XPO4: variants seen among roughly 807,000 people sequenced by gnomAD.
XPO4 encodes the protein exportin-4.
A neutral mutation model predicts 143.0 loss-of-function variants in XPO4; 39 were observed. That is an observed-to-expected ratio of 0.27 (90% CI 0.21 to 0.36). The LOEUF (loss-of-function observed/expected upper bound fraction) is 0.36. Among genes scored for constraint, XPO4 ranks in the 10% least tolerant of loss-of-function variants. The pLI, the probability that XPO4 is intolerant of heterozygous loss-of-function variation, is 1.00. For missense variants in XPO4, 907 were observed against 1,348.0 expected, an observed-to-expected ratio of 0.67 and a Z score of 5.12; for synonymous variants, 439 against 474.0, an observed-to-expected ratio of 0.93 and a Z score of 0.96.
chr13:20,852,881 T>C (rs993128864), intron 4 of XPO4: 1 of 985,212 alleles, frequency 1.0e-6, no homozygotes, highest in African/African-American at 1.7e-5. Context: ...TAAATACAAA[T>C]AGCACACTTA....
chr13:20,806,538 C>CTTT (rs1322850823), intron 13 of XPO4, among the ~76,000 whole-genome samples: 1 of 115,798 alleles, frequency 8.6e-6, no homozygotes, highest in Admixed American at 1.2e-4. Context: ...CTTTCAGGAC[C>CTTT]CTTTTTTTTT....
intron 19 of XPO4, 85 bp downstream of exon 19, chr13:20,790,377 T>C (rs1373203967): frequency 9.1e-7 from 1 of 1,093,328 alleles, no homozygotes; most frequent in Non-Finnish European, 1.4e-6. Flanking sequence ...ACTACTAAAT[T>C]AAATCACAGA....
At chr13:20,801,317 A>T (rs1489308846) in intron 13 of XPO4, among the ~76,000 whole-genome samples, 1 of 152,256 alleles carries the variant, frequency 6.6e-6, no homozygotes, top group African/African-American at 2.4e-5. Context: ...AAATACATCA[A>T]ATTAAATCTT....
intron 6 of XPO4, among the ~76,000 whole-genome samples, chr13:20,839,589 C>G (rs1257804835): frequency 6.6e-6 from 1 of 152,146 alleles, no homozygotes; most frequent in East Asian, 1.9e-4. Context: ...GTAATGCCAG[C>G]ACTTTGGGAG....
intron 16 of XPO4, among the ~76,000 whole-genome samples, chr13:20,797,819 T>C (rs2059377868): frequency 6.6e-6 from 1 of 152,114 alleles, no homozygotes; most frequent in African/African-American, 2.4e-5. Flanking sequence ...CAAAAACTCA[T>C]ATGTGGAAAT....
At chr13:20,840,336 C>A (rs1176190787) in intron 6 of XPO4, among the ~76,000 whole-genome samples, 2 of 151,908 alleles carry the variant, frequency 1.3e-5, no homozygotes, top group African/African-American at 4.8e-5. Context: ...GCCTCCCGAA[C>A]AGCTGGGACT....
intron 22 of XPO4, among the ~76,000 whole-genome samples, chr13:20,785,571 G>A (rs920836127): frequency 1.7e-4 from 26 of 151,790 alleles, no homozygotes; most frequent in African/African-American, 5.8e-4. Context: ...GAGCTGAGGC[G>A]GGAGGATTGC....
intron 3 of XPO4, among the ~76,000 whole-genome samples, chr13:20,859,274 C>T (rs1036490213): frequency 1.3e-4 from 20 of 151,868 alleles, no homozygotes; most frequent in Admixed American, 5.9e-4. Flanking sequence ...CAAGACCATC[C>T]TGGCCAACAT....
intron 18 of XPO4, among the ~76,000 whole-genome samples, chr13:20,792,555 C>T (rs56916681): frequency 2.0e-5 from 3 of 151,522 alleles, no homozygotes; most frequent in Non-Finnish European, 2.9e-5. Flanking sequence ...GGTGACAGAG[C>T]GAGACGCTGT....
At chr13:20,829,652 G>C (rs929768078) in intron 6 of XPO4, among the ~76,000 whole-genome samples, 14 of 152,076 alleles carry the variant, frequency 9.2e-5, no homozygotes, top group African/African-American at 3.4e-4. Flanking sequence ...CAGAAGCAAA[G>C]GGAATCATAT....
intron 1 of XPO4, among the ~76,000 whole-genome samples, chr13:20,874,570 CTT>C (rs1222687368): frequency 2.6e-5 from 4 of 152,160 alleles, no homozygotes; most frequent in African/African-American, 9.7e-5. Context: ...CCCTATTTCT[CTT>C]TCTCTCTCTC....
chr13:20,855,501 G>T, intron 4 of XPO4, 126 bp downstream of exon 4: 84 of 867,782 alleles, frequency 9.7e-5, no homozygotes, highest in Middle Eastern at 4.1e-4. Flanking sequence ...CTGAACAAAT[G>T]AAAATTGCTT....
At chr13:20,787,852 T>C (rs143311422) in intron 20 of XPO4, among the ~76,000 whole-genome samples, 22 of 152,224 alleles carry the variant, frequency 1.4e-4, no homozygotes, top group African/African-American at 5.1e-4. Context: ...ATACAACTTA[T>C]TAAAAAGTCA....
chr13:20,864,048 T>G (rs2060224320), intron 2 of XPO4, among the ~76,000 whole-genome samples: 1 of 152,144 alleles, frequency 6.6e-6, no homozygotes, highest in South Asian at 2.1e-4. Flanking sequence ...GAGAAACCAA[T>G]TTGAACCTTT....
chr13:20,795,756 G>A (rs1201138955), intron 18 of XPO4, among the ~76,000 whole-genome samples: 1 of 152,194 alleles, frequency 6.6e-6, no homozygotes, highest in Non-Finnish European at 1.5e-5. Flanking sequence ...AGTGACTTAA[G>A]CTCTCTGTGC....
intron 6 of XPO4, among the ~76,000 whole-genome samples, chr13:20,839,759 G>T (rs1044321029): frequency 3.9e-5 from 6 of 152,096 alleles, no homozygotes; most frequent in African/African-American, 1.4e-4. Flanking sequence ...AAGGTGGGTG[G>T]ATCAACCTGA....
intron 7 of XPO4, among the ~76,000 whole-genome samples, chr13:20,826,682 C>T (rs1341246771): frequency 6.6e-6 from 1 of 152,172 alleles, no homozygotes; most frequent in African/African-American, 2.4e-5. Flanking sequence ...TAAAATGTTA[C>T]TTATGTTAAT....
intron 4 of XPO4, chr13:20,849,897 G>T (rs2060066058): frequency 2.5e-6 from 2 of 802,120 alleles, no homozygotes; most frequent in Non-Finnish European, 3.0e-6. Context: ...CTTGAGGTCA[G>T]GAGTTCGAAA....
chr13:20,859,836 T>C (rs2060180336), intron 3 of XPO4: 1 of 975,150 alleles, frequency 1.0e-6, no homozygotes. Flanking sequence ...TGCGATTATT[T>C]TGGATAATAT....
Sources: allele counts gnomAD v4.1 joint callset (sites outside exome capture counted in the v4.1 genomes callset), GRCh38; gene constraint gnomAD v4.1.1; transcripts MANE v1.5; gene names NCBI Gene and HGNC (gene_info 2026-07-23, HGNC 2026-07-21).